Variants in ANKFN1 observed in about 807,000 individuals in gnomAD.
The protein encoded by ANKFN1 is ankyrin repeat and fibronectin type-III domain-containing protein 1.
Under a neutral mutation model 108.7 loss-of-function variants are expected in ANKFN1, and 74 were observed. The observed-to-expected ratio is 0.68, with a 90% CI of 0.56 to 0.83. The LOEUF (loss-of-function observed/expected upper bound fraction) is 0.83, where lower values mean the gene tolerates loss of function less well. ANKFN1 is among the 40% of genes least tolerant of loss of function. ANKFN1 has a pLI of 0.00. For synonymous variants in ANKFN1, 547 were observed against 516.2 expected, an observed-to-expected ratio of 1.06 and a Z score of -0.81; for missense variants, 1,505 against 1,382.3, an observed-to-expected ratio of 1.09 and a Z score of -1.41.
At chr17:56,166,639 G>A (rs746602033) in intron 1 of ANKFN1, among the ~76,000 whole-genome samples, 8 of 151,984 alleles carry the variant, frequency 5.3e-5, no homozygotes, top group Non-Finnish European at 1.0e-4. Context: ...CCACTGGAAT[G>A]GCCTAAAATG....
chr17:56,183,389 C>G (rs1911874814), intron 1 of ANKFN1, among the ~76,000 whole-genome samples: 1 of 152,152 alleles, frequency 6.6e-6, no homozygotes, highest in South Asian at 2.1e-4. Context: ...TTGTCCCCTC[C>G]AAATCTCATG....
chr17:56,386,406 G>A (rs2047271266), intron 8 of ANKFN1, among the ~76,000 whole-genome samples: 1 of 151,594 alleles, frequency 6.6e-6, no homozygotes, highest in Non-Finnish European at 1.5e-5. Flanking sequence ...CACCAGCATG[G>A]CACATGTATA....
At chr17:56,096,268 T>C (rs1269325421) in intron 4 of ANKFN1, among the ~76,000 whole-genome samples, 1 of 152,176 alleles carries the variant, frequency 6.6e-6, no homozygotes, top group Non-Finnish European at 1.5e-5. Context: ...TAAAATGACC[T>C]GACCTATTAC....
intron 4 of ANKFN1, among the ~76,000 whole-genome samples, chr17:56,050,569 A>G (rs1014964854): frequency 7.4e-5 from 11 of 149,596 alleles, no homozygotes; most frequent in East Asian, 3.9e-4. Context: ...TGATTTTTGT[A>G]TAAGGTGTAA....
chr17:56,059,506 C>T (rs1157273009), intron 4 of ANKFN1, among the ~76,000 whole-genome samples: 1 of 152,124 alleles, frequency 6.6e-6, no homozygotes, highest in East Asian at 1.9e-4. Context: ...AAGTCTTTGC[C>T]TATGCCTATG....
rs760338881 is a variant in ANKFN1 at position 56,442,881 on chromosome 17, G to C, written c.1047G>C (p.Met349Ile). 6.2e-7 allele frequency: 1 copy of C among 1,613,824 alleles called. No individual in the cohort carries two copies. The highest frequency in any genetic ancestry group is 1.3e-5 in the African/African-American group (1 of 75,038). ...TTGTTCAAGTCTCGGCTTACAATAT[G>C]AAAGGATGGGGACCTGCTCAGACCA... is the stretch of plus-strand genomic sequence containing the variant. ...QYFVQVSAYN[M>I]KGWGPAQTTT... Residue 349 changes from methionine (M) to isoleucine (I), a missense_variant, in exon 10 of 21, where the codon ATG (methionine) becomes ATC (isoleucine). Met to Ile is a conservative substitution (Grantham distance 10, BLOSUM62 1). Transcript: ENST00000682825.
chr17:56,472,218 T>G (rs2050342164), intron 15 of ANKFN1: 1 of 152,122 alleles, frequency 6.6e-6, no homozygotes, highest in Admixed American at 6.5e-5. Context: ...AATCAAAAAT[T>G]TTGGTAAAGT....
chr17:56,298,257 A>G (rs961528040), intron 3 of ANKFN1, among the ~76,000 whole-genome samples: 1 of 152,218 alleles, frequency 6.6e-6, no homozygotes, highest in African/African-American at 2.4e-5. Flanking sequence ...AGTTCTCTCT[A>G]TTATAGAATT....
chr17:56,334,354 A>G (rs1434892989), intron 4 of ANKFN1, among the ~76,000 whole-genome samples: 1 of 152,122 alleles, frequency 6.6e-6, no homozygotes, highest in Non-Finnish European at 1.5e-5. Context: ...AGATTACAAA[A>G]AGACACAAAG....
chr17:56,196,521 G>A (rs1347449737), intron 1 of ANKFN1, among the ~76,000 whole-genome samples: 1 of 152,074 alleles, frequency 6.6e-6, no homozygotes, highest in Non-Finnish European at 1.5e-5. Flanking sequence ...ATCGCATGAA[G>A]CCAGGAATTC....
At chr17:56,373,230 T>A (rs1463696519) in intron 7 of ANKFN1, among the ~76,000 whole-genome samples, 1 of 152,220 alleles carries the variant, frequency 6.6e-6, no homozygotes, top group Non-Finnish European at 1.5e-5. Context: ...CAAGCTCAAG[T>A]TTAAGTTGTT....
chr17:56,129,327 A>G (rs1226162119), intron 4 of ANKFN1, among the ~76,000 whole-genome samples: 1 of 152,196 alleles, frequency 6.6e-6, no homozygotes, highest in Non-Finnish European at 1.5e-5. Flanking sequence ...CACTTCTTTC[A>G]AAGTCAATGA....
intron 8 of ANKFN1, among the ~76,000 whole-genome samples, chr17:56,390,088 G>T (rs908417659): frequency 3.3e-5 from 5 of 151,674 alleles, no homozygotes; most frequent in Non-Finnish European, 5.9e-5. Flanking sequence ...ATGCAGGTTT[G>T]TTACATAGGT....
At chr17:56,184,481 G>A (rs1428079567) in intron 1 of ANKFN1, among the ~76,000 whole-genome samples, 2 of 152,092 alleles carry the variant, frequency 1.3e-5, no homozygotes, top group African/African-American at 4.8e-5. Context: ...TATATGCACT[G>A]GGAAACAAAA....
intron 3 of ANKFN1, among the ~76,000 whole-genome samples, chr17:56,230,073 C>G (rs915497001): frequency 6.6e-6 from 1 of 152,136 alleles, no homozygotes; most frequent in Non-Finnish European, 1.5e-5. Flanking sequence ...AATCAACGTT[C>G]CATTCAGACA....
At chr17:56,465,754 A>G (rs2050051401) in intron 14 of ANKFN1, among the ~76,000 whole-genome samples, 1 of 152,200 alleles carries the variant, frequency 6.6e-6, no homozygotes, top group Non-Finnish European at 1.5e-5. Context: ...CAGTTGACCC[A>G]GTTTATAAGC....
At chr17:56,467,503 A>C (rs2050115695) in intron 15 of ANKFN1, among the ~76,000 whole-genome samples, 1 of 151,876 alleles carries the variant, frequency 6.6e-6, no homozygotes, top group African/African-American at 2.4e-5. Flanking sequence ...AACATGGTGA[A>C]ACCCCATCTT....
chr17:56,058,411 C>T (rs111483270), intron 4 of ANKFN1, among the ~76,000 whole-genome samples: 1 of 152,248 alleles, frequency 6.6e-6, no homozygotes, highest in Non-Finnish European at 1.5e-5. Flanking sequence ...TTTTATGTTA[C>T]AAAGGCAGCT....
At chr17:56,184,323 A>G (rs768143768) in intron 1 of ANKFN1, among the ~76,000 whole-genome samples, 5 of 152,204 alleles carry the variant, frequency 3.3e-5, no homozygotes, top group African/African-American at 1.2e-4. Context: ...AAGACCCTTC[A>G]CCAGCAAAAA....
Sources: gnomAD v4.1 joint callset for allele counts (sites outside exome capture counted in the v4.1 genomes callset) on GRCh38, gnomAD v4.1.1 for gene constraint, MANE v1.5 for transcripts, NCBI Gene and HGNC (gene_info 2026-07-23, HGNC 2026-07-21) for gene names.